The following PCDH9 variants were observed in gnomAD, a reference collection of about 807,000 sequenced individuals.
The protein encoded by PCDH9 is protocadherin-9.
A neutral mutation model predicts 70.6 loss-of-function variants in PCDH9; 24 were observed. That is an observed-to-expected ratio of 0.34 (90% CI 0.25 to 0.48). The LOEUF (loss-of-function observed/expected upper bound fraction) is 0.48. PCDH9 is among the 20% of genes least tolerant of loss of function. The pLI is 0.99. For missense variants in PCDH9, 1,281 were observed against 1,503.6 expected (o/e 0.85, Z 2.45); for synonymous variants, 562 against 558.5 (o/e 1.01, Z -0.09).
chr13:67,171,591 T>C (rs1025481803), intron 2 of PCDH9, among the ~76,000 whole-genome samples: 2 of 152,238 alleles, frequency 1.3e-5, no homozygotes, highest in African/African-American at 2.4e-5. Context: ...TATCTCTGGT[T>C]ATGTTATACC....
chr13:66,355,022 G>A (rs1029255168), intron 4 of PCDH9, among the ~76,000 whole-genome samples: 35 of 152,160 alleles, frequency 2.3e-4, no homozygotes, highest in African/African-American at 3.1e-4. Flanking sequence ...CCCAGGTGCT[G>A]TTAATGCTGC....
intron 2 of PCDH9, among the ~76,000 whole-genome samples, chr13:67,131,083 A>T (rs1462235159): frequency 1.3e-5 from 2 of 152,208 alleles, no homozygotes; most frequent in Non-Finnish European, 2.9e-5. Context: ...AAATGAGAAC[A>T]GAGAAAAGAA....
Position 66,631,303 on chromosome 13 carries a change from G to T in PCDH9, c.3247C>A (p.Pro1083Thr). Reference sequence around the variant, plus strand: ...TCCTGTGGCTGAACCAGAGGAAGAGGGTGTGAGATCAGGGTTCCACTACCC... The same window carrying T: ...TCCTGTGGCTGAACCAGAGGAAGAGTGTGTGAGATCAGGGTTCCACTACCC... ...PVGSGTLISH[P>T]LPLVQPQDEF... The change falls in exon 4 of 5, where the codon CCT becomes ACT. Residue 1083 changes from proline (P) to threonine (T), a missense_variant. Physicochemically the swap from Pro to Thr is conservative, Grantham distance 38. Transcript: ENST00000377865. 1 of 1,606,776 alleles carries T rather than the reference G, an allele frequency of 6.2e-7. No individual in the cohort carries two copies. The highest frequency in any genetic ancestry group is 1.3e-5 in the African/African-American group (1 of 74,850).
At chr13:66,913,891 CAT>C (rs777020719) in intron 2 of PCDH9, among the ~76,000 whole-genome samples, 13 of 152,058 alleles carry the variant, frequency 8.5e-5, no homozygotes, top group East Asian at 1.9e-4. Context: ...CTCATTTCCA[CAT>C]GTTTTTTTAA....
rs569853419 is a variant in PCDH9 at position 66,602,423 on chromosome 13, T to C, written c.3340+28787A>G. ...GACAAAATGCAGAGGTGGAAGGCAG[T>C]GATATTGATCTTGACCGTGCATAGG... On this transcript the variant is annotated intron_variant, in intron 4 of 4. Transcript: ENST00000377865. 1.4e-4 allele frequency among the ~76,000 whole-genome samples: 20 copies of C among 145,644 alleles called. 2 individuals carry two copies. The highest frequency in any genetic ancestry group is 4.9e-4 in the African/African-American group (20 of 40,440).
chr13:66,316,254 A>G (rs1220951235), intron 4 of PCDH9, among the ~76,000 whole-genome samples: 2 of 152,226 alleles, frequency 1.3e-5, no homozygotes, highest in African/African-American at 4.8e-5. Flanking sequence ...TAACTTAATC[A>G]TGCCTGAAGG....
chr13:67,193,752 G>A (rs1270683547), intron 2 of PCDH9, among the ~76,000 whole-genome samples: 1 of 151,982 alleles, frequency 6.6e-6, no homozygotes, highest in Non-Finnish European at 1.5e-5. Flanking sequence ...GTCTATGGAT[G>A]CTTCAAATAA....
chr13:66,940,813 G>C (rs1406878235), intron 2 of PCDH9, among the ~76,000 whole-genome samples: 1 of 151,134 alleles, frequency 6.6e-6, no homozygotes, highest in African/African-American at 2.4e-5. Flanking sequence ...AAATTTCAGA[G>C]TCATTCATTT....
At chr13:66,569,452 A>G (rs1430945632) in intron 4 of PCDH9, among the ~76,000 whole-genome samples, 3 of 152,184 alleles carry the variant, frequency 2.0e-5, no homozygotes, top group African/African-American at 7.2e-5. Context: ...TGTACAATAT[A>G]TACAATTATA....
intron 2 of PCDH9, among the ~76,000 whole-genome samples, chr13:67,016,722 C>G (rs1320536664): frequency 6.6e-6 from 1 of 152,188 alleles, no homozygotes; most frequent in Non-Finnish European, 1.5e-5. Flanking sequence ...ACTCAGAATA[C>G]AAGCACATTT....
chr13:66,964,556 A>G (rs952254340), intron 2 of PCDH9, among the ~76,000 whole-genome samples: 9 of 152,012 alleles, frequency 5.9e-5, no homozygotes, highest in African/African-American at 2.2e-4. Flanking sequence ...GACTCAATCT[A>G]TTTATATCTC....
At chr13:66,760,499 T>C (rs1434970522) in intron 3 of PCDH9, among the ~76,000 whole-genome samples, 1 of 152,150 alleles carries the variant, frequency 6.6e-6, no homozygotes, top group Non-Finnish European at 1.5e-5. Context: ...TGCCTGTCTT[T>C]ACTTTAATCT....
At chr13:66,842,552 T>C (rs2081134424) in intron 3 of PCDH9, among the ~76,000 whole-genome samples, 1 of 152,184 alleles carries the variant, frequency 6.6e-6, no homozygotes, top group African/African-American at 2.4e-5. Context: ...TTCTGTGTTA[T>C]TTTCCTCATA....
At chr13:67,053,837 T>A (rs1424675448) in intron 2 of PCDH9, among the ~76,000 whole-genome samples, 3 of 152,242 alleles carry the variant, frequency 2.0e-5, no homozygotes, top group Admixed American at 2.0e-4. Flanking sequence ...TAGCATTTAA[T>A]GAGCATTTAC....
chr13:67,114,808 TAGATAAAAACAAA>T (rs1195578448), intron 2 of PCDH9, among the ~76,000 whole-genome samples: 2 of 152,240 alleles, frequency 1.3e-5, no homozygotes, highest in Non-Finnish European at 2.9e-5. Context: ...AATTTGGTGC[TAGATAAAAACAAA>T]AGGAGAATAT....
intron 4 of PCDH9, among the ~76,000 whole-genome samples, chr13:66,599,027 AT>A (rs1343845762): frequency 2.0e-5 from 3 of 151,684 alleles, no homozygotes; most frequent in South Asian, 2.1e-4. Flanking sequence ...AAATCAAGTA[AT>A]TTTTTTTACA....
chr13:67,062,700 CG>C (rs2085563134), intron 2 of PCDH9, among the ~76,000 whole-genome samples: 1 of 152,008 alleles, frequency 6.6e-6, no homozygotes, highest in Non-Finnish European at 1.5e-5. Context: ...CAGCAATCTA[CG>C]GAATTATAAA....
chr13:66,818,847 T>C (rs1207025018), intron 3 of PCDH9, among the ~76,000 whole-genome samples: 1 of 151,478 alleles, frequency 6.6e-6, no homozygotes, highest in African/African-American at 2.4e-5. Flanking sequence ...GGCAGGAGAA[T>C]GGCGTGAACC....
chr13:66,718,780 T>C (rs995704732), intron 3 of PCDH9, among the ~76,000 whole-genome samples: 6 of 152,216 alleles, frequency 3.9e-5, no homozygotes, highest in Admixed American at 6.5e-5. Flanking sequence ...CCTATGGTGA[T>C]GGAAGGTCTG....
Sources: gnomAD v4.1 joint callset for allele counts (sites outside exome capture counted in the v4.1 genomes callset) on GRCh38, gnomAD v4.1.1 for gene constraint, MANE v1.5 for transcripts, NCBI Gene and HGNC (gene_info 2026-07-23, HGNC 2026-07-21) for gene names.